The following RHOU variants were observed in gnomAD, a reference collection of about 807,000 sequenced individuals.
RHOU encodes the protein rho-related GTP-binding protein RhoU.
A neutral mutation model predicts 12.6 loss-of-function variants in RHOU; 8 were observed. That is an observed-to-expected ratio of 0.64 (90% confidence interval 0.37 to 1.15). The LOEUF (loss-of-function observed/expected upper bound fraction) is 1.15. Among genes scored for constraint, RHOU ranks in the 50% most tolerant of loss-of-function variants. The probability of loss-of-function intolerance (pLI) is 0.01; values close to 1 mark genes in which losing one functional copy is unlikely to be tolerated. For missense variants in RHOU, 258 were observed against 347.0 expected, an observed-to-expected ratio of 0.74 and a Z score of 2.04; for synonymous variants, 161 against 147.4, an observed-to-expected ratio of 1.09 and a Z score of -0.67.
the RHOU span, among the ~76,000 whole-genome samples, chr1:228,649,079 T>C: frequency 6.6e-6 from 1 of 152,186 alleles, no homozygotes; most frequent in African/African-American, 2.4e-5. Context: ...TGGCCAGTCC[T>C]GTCTCAAACT....
At chr1:228,692,909 C>T in the RHOU span, among the ~76,000 whole-genome samples, 4 of 152,028 alleles carry the variant, frequency 2.6e-5, no homozygotes, top group Admixed American at 6.6e-5. Context: ...CTATCAAGCT[C>T]CCCAATATAT....
the RHOU span, among the ~76,000 whole-genome samples, chr1:228,672,259 C>T: frequency 6.6e-6 from 1 of 152,176 alleles, no homozygotes; most frequent in Non-Finnish European, 1.5e-5. Flanking sequence ...CCTCTGCCTC[C>T]CGGGTTCAAG....
the RHOU span, among the ~76,000 whole-genome samples, chr1:228,658,252 A>T: frequency 6.9e-6 from 1 of 145,884 alleles, no homozygotes; most frequent in African/African-American, 2.6e-5. Flanking sequence ...AGGCTACTGC[A>T]CTCCAATGGG....
the RHOU span, among the ~76,000 whole-genome samples, chr1:228,707,953 A>G: frequency 6.6e-6 from 1 of 152,200 alleles, no homozygotes; most frequent in Non-Finnish European, 1.5e-5. Context: ...CAATACAGAG[A>G]AGTGCTTAAA....
chr1:228,707,749 G>T, the RHOU span, among the ~76,000 whole-genome samples: 1 of 152,184 alleles, frequency 6.6e-6, no homozygotes, highest in Non-Finnish European at 1.5e-5. Context: ...AAAGCAGAGT[G>T]CCTCTCCTCC....
At chr1:228,700,225 T>C in the RHOU span, among the ~76,000 whole-genome samples, 1 of 152,260 alleles carries the variant, frequency 6.6e-6, no homozygotes, top group African/African-American at 2.4e-5. Context: ...AGATAAGTTA[T>C]CATAAGTAAT....
At chr1:228,682,900 T>A in the RHOU span, among the ~76,000 whole-genome samples, 303 of 152,094 alleles carry the variant, frequency 2.0e-3, 2 homozygotes, top group African/African-American at 7.0e-3. Flanking sequence ...AGAGGTTGAG[T>A]CAGAGCAATG....
At chr1:228,682,110 G>A in the RHOU span, among the ~76,000 whole-genome samples, 3 of 152,200 alleles carry the variant, frequency 2.0e-5, no homozygotes, top group South Asian at 2.1e-4. Flanking sequence ...AATGTGTCTC[G>A]TTTGTCTCTA....
At chr1:228,672,774 A>G in the RHOU span, among the ~76,000 whole-genome samples, 1 of 152,212 alleles carries the variant, frequency 6.6e-6, no homozygotes, top group Non-Finnish European at 1.5e-5. Flanking sequence ...GCGTTGCCAT[A>G]GCATCCAAGC....
At chr1:228,692,394 C>T in the RHOU span, among the ~76,000 whole-genome samples, 1 of 152,102 alleles carries the variant, frequency 6.6e-6, no homozygotes, top group East Asian at 1.9e-4. Flanking sequence ...TTATTTGCCA[C>T]CATGCCCTGG....
rs1315755181 is a variant in RHOU at position 228,738,166 on chromosome 1, C to T, written c.321+435C>T. Among the ~76,000 whole-genome samples the T allele has an allele frequency of 6.6e-6, 1 of 152,204 alleles. No homozygotes were observed. Among genetic ancestry groups the T allele is most frequent in the Non-Finnish European group, 1.5e-5 (1 of 68,036 alleles). On this transcript the variant is annotated intron_variant, in intron 2 of 2. Transcript: ENST00000366691. The surrounding 1 kb of genome is among the most constrained non-coding windows in gnomAD (Gnocchi z 4.2). ...CTCAAGAAAAAGATGGAATTTACATCAGTAAGGGTTAATATTTCCCTTCCT... is the reference window on the plus strand; with the variant it reads ...CTCAAGAAAAAGATGGAATTTACATTAGTAAGGGTTAATATTTCCCTTCCT...
chr1:228,732,943 C>A (rs1662523873), upstream of RHOU, among the ~76,000 whole-genome samples: 1 of 152,144 alleles, frequency 6.6e-6, no homozygotes. Context: ...TAAACTTAAA[C>A]AAAATACATA....
In RHOU at chr1:228,743,944, A is replaced by G. The variant is rs1044867628; in HGVS notation, c.*204A>G. On this transcript the variant is annotated 3_prime_UTR_variant, in exon 3 of 3. Transcript: ENST00000366691. This position sits in a 1 kb window ranked among gnomAD's most constrained non-coding sequence, Gnocchi z 5.1. ...CTTAGGGATGAGATACTTATGCAAG[A>G]TATTTTTGAAGTAAATTAAACATTT... is the stretch of plus-strand genomic sequence containing the variant. 12 of 520,506 alleles carry G rather than the reference A, an allele frequency of 2.3e-5. No individual in the cohort carries two copies. Among genetic ancestry groups the G allele is most frequent in the South Asian group, 6.3e-5 (2 of 31,712 alleles). 32.2% of individuals were successfully genotyped at this position (520,506 alleles called of 1,614,324 possible).
chr1:228,658,143 G>A, the RHOU span, among the ~76,000 whole-genome samples: 1 of 151,986 alleles, frequency 6.6e-6, no homozygotes, highest in African/African-American at 2.4e-5. Flanking sequence ...AGGTGGGCAT[G>A]GTGGTGCAGG....
At chr1:228,674,859 T>A in the RHOU span, among the ~76,000 whole-genome samples, 3 of 152,104 alleles carry the variant, frequency 2.0e-5, no homozygotes. Flanking sequence ...GCCTCCCAAG[T>A]AGCTGGGACT....
At chr1:228,683,408 C>A in the RHOU span, among the ~76,000 whole-genome samples, 1 of 152,068 alleles carries the variant, frequency 6.6e-6, no homozygotes, top group Non-Finnish European at 1.5e-5. Context: ...ATCGATGGAG[C>A]TTACTTAGGA....
the RHOU span, among the ~76,000 whole-genome samples, chr1:228,690,324 G>GTT: frequency 6.9e-6 from 1 of 145,074 alleles, no homozygotes; most frequent in South Asian, 2.2e-4. Context: ...TAGTTTGTTT[G>GTT]TTTTTTTTTT....
At chr1:228,672,786 T>A in the RHOU span, among the ~76,000 whole-genome samples, 7 of 152,290 alleles carry the variant, frequency 4.6e-5, no homozygotes, top group Admixed American at 1.3e-4. Flanking sequence ...CATCCAAGCC[T>A]TTTTCAGTGG....
the RHOU span, chr1:228,650,578 T>A: frequency 6.4e-5 from 29 of 455,738 alleles, no homozygotes; most frequent in Admixed American, 5.5e-4. Flanking sequence ...ACTGCTCGCC[T>A]GCCTGCCCTC....
Sources: gnomAD v4.1 joint callset for allele counts (sites outside exome capture counted in the v4.1 genomes callset) on GRCh38, gnomAD v4.1.1 for gene constraint, Gnocchi (gnomAD v3.1) non-coding constraint, MANE v1.5 for transcripts, NCBI Gene and HGNC (gene_info 2026-07-23, HGNC 2026-07-21) for gene names.